Variants in COL13A1 observed in about 807,000 individuals in gnomAD.
COL13A1 encodes the protein collagen alpha-1(XIII) chain.
A neutral mutation model predicts 130.9 loss-of-function variants in COL13A1; 89 were observed. That is an observed-to-expected ratio of 0.68 (90% CI 0.57 to 0.81). The LOEUF (loss-of-function observed/expected upper bound fraction) is 0.81, where lower values mean the gene tolerates loss of function less well. COL13A1 is among the 30% of genes least tolerant of loss of function. COL13A1 has a pLI of 0.00. For missense variants in COL13A1, 879 were observed against 934.6 expected (o/e 0.94, Z 0.78); for synonymous variants, 402 against 341.6 (o/e 1.18, Z -1.95).
chr10:69,911,902 A>C (rs1265922171), intron 17 of COL13A1, among the ~76,000 whole-genome samples: 1 of 152,188 alleles, frequency 6.6e-6, no homozygotes, highest in Non-Finnish European at 1.5e-5. Flanking sequence ...CTATTCCTGA[A>C]ACCTTCCTGC....
chr10:69,860,112 G>A (rs902112916), intron 2 of COL13A1, among the ~76,000 whole-genome samples: 3 of 152,206 alleles, frequency 2.0e-5, no homozygotes, highest in African/African-American at 4.8e-5. Flanking sequence ...CGTGGGGGCT[G>A]CAGTCTCACT....
At chr10:69,938,352 T>C (rs2067212209) in intron 34 of COL13A1, among the ~76,000 whole-genome samples, 1 of 152,074 alleles carries the variant, frequency 6.6e-6, no homozygotes, top group Non-Finnish European at 1.5e-5. Flanking sequence ...CTGCCTCACC[T>C]GTGTACAGGT....
chr10:69,932,764 C>T (rs181517576), intron 31 of COL13A1, among the ~76,000 whole-genome samples, 160 bp downstream of exon 31: 68 of 152,308 alleles, frequency 4.5e-4, no homozygotes, highest in African/African-American at 1.5e-3. Flanking sequence ...CTCCAGTCTT[C>T]CCAAACCACA....
intron 1 of COL13A1, among the ~76,000 whole-genome samples, chr10:69,809,882 G>A (rs948781496): frequency 6.6e-5 from 10 of 152,216 alleles, no homozygotes; most frequent in African/African-American, 2.4e-4. Flanking sequence ...AGGGTGGATG[G>A]GTTTGTTCTT....
At chr10:69,815,551 AG>A (rs1216957769) in intron 1 of COL13A1, among the ~76,000 whole-genome samples, 1 of 152,118 alleles carries the variant, frequency 6.6e-6, no homozygotes, top group African/African-American at 2.4e-5. Context: ...TCAGATGTCA[AG>A]GGGGCCAGGC....
intron 1 of COL13A1, among the ~76,000 whole-genome samples, chr10:69,816,027 G>A (rs1053194894): frequency 6.6e-5 from 10 of 151,714 alleles, no homozygotes; most frequent in African/African-American, 2.2e-4. Flanking sequence ...CAGGCAGAGA[G>A]CCCAGTAAGT....
intron 17 of COL13A1, 76 bp from the exon 18 acceptor site, chr10:69,917,213 T>G (rs2064029515): frequency 3.2e-6 from 5 of 1,580,020 alleles, no homozygotes; most frequent in Non-Finnish European, 4.3e-6. Flanking sequence ...AGACAAGACA[T>G]TCTCACCGAC....
At chr10:69,920,459 C>T (rs1329155998) in intron 21 of COL13A1, among the ~76,000 whole-genome samples, 1 of 152,172 alleles carries the variant, frequency 6.6e-6, no homozygotes, top group Non-Finnish European at 1.5e-5. Flanking sequence ...TATGTTGAAG[C>T]CCTCACCTCC....
rs528357227 is a variant in COL13A1 at position 69,842,563 on chromosome 10, C to T, written c.364+20125C>T. On this transcript the variant is annotated intron_variant, in intron 2 of 40. Coordinates refer to ENST00000645393, the MANE Select transcript of COL13A1 (RefSeq NM_001368882.1). The stretch of plus-strand genomic sequence containing the variant: ...TCCAAAGCATTGGTCTGTCCATGCT[C>T]ATTCCGGCACTAACATCATCCCCAC... Among the ~76,000 whole-genome samples, 18 of 152,344 alleles carry T rather than the reference C, an allele frequency of 1.2e-4. No homozygotes were observed. The South Asian group carries it at 3.7e-3, about 32-fold the overall frequency.
chr10:69,929,233 G>A (rs887105228), intron 28 of COL13A1, among the ~76,000 whole-genome samples: 2 of 151,696 alleles, frequency 1.3e-5, no homozygotes, highest in Non-Finnish European at 2.9e-5. Flanking sequence ...TGTGGGGCCT[G>A]GGTCTAGACA....
intron 17 of COL13A1, among the ~76,000 whole-genome samples, chr10:69,911,384 T>C (rs1258616328): frequency 2.0e-5 from 3 of 152,248 alleles, no homozygotes; most frequent in African/African-American, 7.2e-5. Flanking sequence ...ATTGAATCCT[T>C]GTAACAACCC....
At chr10:69,930,833 G>T (rs560519753) in intron 30 of COL13A1, among the ~76,000 whole-genome samples, 1 of 152,206 alleles carries the variant, frequency 6.6e-6, no homozygotes, top group Non-Finnish European at 1.5e-5. Context: ...CTAAACTGGC[G>T]ATAATAATGT....
intron 2 of COL13A1, among the ~76,000 whole-genome samples, chr10:69,854,145 G>A (rs1018629241): frequency 4.6e-5 from 7 of 152,218 alleles, no homozygotes; most frequent in East Asian, 1.9e-4. Flanking sequence ...ACAGCTCACT[G>A]TGCAGCCCGG....
chr10:69,823,459 A>C (rs1219779949), intron 2 of COL13A1, among the ~76,000 whole-genome samples: 1 of 152,194 alleles, frequency 6.6e-6, no homozygotes, highest in East Asian at 1.9e-4. Flanking sequence ...GGCCTCTGCC[A>C]GCTCAGCGTG....
At chr10:69,842,693 G>A (rs1024543879) in intron 2 of COL13A1, among the ~76,000 whole-genome samples, 36 of 152,336 alleles carry the variant, frequency 2.4e-4, no homozygotes, top group Admixed American at 1.8e-3. Context: ...CAGTAGCCAG[G>A]ACAGGCTGTG....
chr10:69,921,765 C>T, intron 21 of COL13A1, 117 bp from the exon 22 acceptor site: 1 of 1,334,074 alleles, frequency 7.5e-7, no homozygotes, highest in Non-Finnish European at 1.0e-6. Flanking sequence ...CAGCTGGGGG[C>T]AGGGGCACCG....
intron 38 of COL13A1, among the ~76,000 whole-genome samples, chr10:69,949,240 T>A (rs949521870): frequency 2.0e-5 from 3 of 152,210 alleles, no homozygotes; most frequent in Non-Finnish European, 4.4e-5. Context: ...TGGAGTGCAA[T>A]GGCGCGATCT....
chr10:69,820,937 TC>T (rs147334864), intron 1 of COL13A1, among the ~76,000 whole-genome samples: 2,877 of 152,266 alleles, frequency 0.019, 39 homozygotes, highest in Admixed American at 0.032. Context: ...TGACCTTCCC[TC>T]CCCACCCCCA....
At chr10:69,916,181 A>T (rs980755772) in intron 17 of COL13A1, among the ~76,000 whole-genome samples, 5 of 152,152 alleles carry the variant, frequency 3.3e-5, no homozygotes, top group Non-Finnish European at 7.3e-5. Context: ...GAAGCCAGAG[A>T]ACACCAGATC....
Sources: allele counts gnomAD v4.1 joint callset (sites outside exome capture counted in the v4.1 genomes callset), GRCh38; gene constraint gnomAD v4.1.1; transcripts MANE v1.5; gene names NCBI Gene and HGNC (gene_info 2026-07-23, HGNC 2026-07-21).